MRPS31: variants seen among roughly 807,000 people sequenced by gnomAD.
The protein encoded by MRPS31 is small ribosomal subunit protein mS31.
A neutral mutation model predicts 43.1 loss-of-function variants in MRPS31; 32 were observed. That is an observed-to-expected ratio of 0.74 (90% CI 0.56 to 1.00). The LOEUF (loss-of-function observed/expected upper bound fraction) is 1.00, where lower values mean the gene tolerates loss of function less well. MRPS31 is among the 50% of genes least tolerant of loss of function. The pLI is 0.00. For synonymous variants in MRPS31, 165 were observed against 161.6 expected, an observed-to-expected ratio of 1.02 and a Z score of -0.16; for missense variants, 437 against 466.7, an observed-to-expected ratio of 0.94 and a Z score of 0.59.
At chr13:40,762,842 T>C (rs932406778) in intron 2 of MRPS31, among the ~76,000 whole-genome samples, 1 of 142,676 alleles carries the variant, frequency 7.0e-6, no homozygotes, top group African/African-American at 2.6e-5. Context: ...GTGTGTGTGT[T>C]GTACATATAT....
intron 6 of MRPS31, chr13:40,731,203 G>A (rs1444970918): frequency 4.0e-5 from 6 of 150,410 alleles, no homozygotes; most frequent in Non-Finnish European, 8.7e-5. Context: ...GTAGTGAGCT[G>A]TGATCATACC....
chr13:40,733,412 A>G (rs1879770442), intron 6 of MRPS31, among the ~76,000 whole-genome samples: 1 of 152,206 alleles, frequency 6.6e-6, no homozygotes, highest in Admixed American at 6.5e-5. Flanking sequence ...GAGAAAAAGA[A>G]AAAGATTGGG....
At chr13:40,739,056 T>A (rs374973960) in intron 6 of MRPS31, among the ~76,000 whole-genome samples, 2 of 152,128 alleles carry the variant, frequency 1.3e-5, no homozygotes, top group African/African-American at 4.8e-5. Flanking sequence ...CTCAGCCCAA[T>A]ATCTCCTTAA....
chr13:40,744,957 T>C (rs1187636806), intron 6 of MRPS31, among the ~76,000 whole-genome samples: 1 of 151,162 alleles, frequency 6.6e-6, no homozygotes, highest in Non-Finnish European at 1.5e-5. Flanking sequence ...AGTCTTGCTC[T>C]GTCACCTAGA....
At chr13:40,731,887 G>A (rs1257886133) in intron 6 of MRPS31, among the ~76,000 whole-genome samples, 1 of 152,030 alleles carries the variant, frequency 6.6e-6, no homozygotes, top group African/African-American at 2.4e-5. Context: ...AACTTAGAAT[G>A]CTCCAGGAGG....
At chr13:40,754,460 T>C (rs1298993149) in intron 4 of MRPS31, among the ~76,000 whole-genome samples, 1 of 152,226 alleles carries the variant, frequency 6.6e-6, no homozygotes, top group East Asian at 1.9e-4. Flanking sequence ...AACATTTGTC[T>C]TTAAGGGCAG....
At chr13:40,759,806 G>A (rs1241391193) in intron 2 of MRPS31, among the ~76,000 whole-genome samples, 2 of 152,012 alleles carry the variant, frequency 1.3e-5, no homozygotes, top group African/African-American at 2.4e-5. Context: ...ATAAAGGCAG[G>A]TTAACCAGTT....
At chr13:40,736,369 C>T (rs901980843) in intron 6 of MRPS31, among the ~76,000 whole-genome samples, 23 of 151,302 alleles carry the variant, frequency 1.5e-4, no homozygotes, top group Non-Finnish European at 3.2e-4. Context: ...AGGATATTAT[C>T]CAGGAGAATT....
At chr13:40,746,759 T>C (rs1418183771) in intron 6 of MRPS31, among the ~76,000 whole-genome samples, 1 of 152,176 alleles carries the variant, frequency 6.6e-6, no homozygotes, top group Non-Finnish European at 1.5e-5. Flanking sequence ...CAGTATAAAG[T>C]AAAATTTTGA....
chr13:40,767,138 T>G, intron 1 of MRPS31, 105 bp from the exon 2 acceptor site: 1 of 979,978 alleles, frequency 1.0e-6, no homozygotes, highest in Non-Finnish European at 1.4e-6. Flanking sequence ...TAAGATTTTT[T>G]TTCAATTCAA....
At chr13:40,740,937 A>G (rs546255502) in intron 6 of MRPS31, among the ~76,000 whole-genome samples, 2 of 125,736 alleles carry the variant, frequency 1.6e-5, no homozygotes, top group Non-Finnish European at 3.2e-5. Flanking sequence ...AAAGTATAAT[A>G]AAAAAAAATT....
chr13:40,765,121 A>C (rs1280691949), intron 2 of MRPS31, among the ~76,000 whole-genome samples: 1 of 152,180 alleles, frequency 6.6e-6, no homozygotes, highest in Non-Finnish European at 1.5e-5. Context: ...ACTCAAAACA[A>C]ATGTACCTCA....
At chr13:40,729,977 G>A (rs763114260) in intron 6 of MRPS31, among the ~76,000 whole-genome samples, 3 of 151,654 alleles carry the variant, frequency 2.0e-5, no homozygotes, top group African/African-American at 4.8e-5. Flanking sequence ...TTATCTGCCC[G>A]CCTCGGCCTC....
chr13:40,761,197 G>T (rs1019470853), intron 2 of MRPS31, among the ~76,000 whole-genome samples: 5 of 151,722 alleles, frequency 3.3e-5, no homozygotes, highest in Admixed American at 1.3e-4. Context: ...AGCACAGGAG[G>T]TAGAGGCTGC....
Position 40,733,009 on chromosome 13 carries a change from T to G in MRPS31, c.959-3408A>C, listed in dbSNP as rs553002588. On this transcript the variant is annotated intron_variant, in intron 6 of 6. Transcript: ENST00000323563. ...AATGCATTTGGTTTTTTTTTTTTTT[T>G]TTTTTTTTTTTTGAGAGGGAGTTTC... Among the ~76,000 whole-genome samples the G allele has an allele frequency of 1.2e-4, 18 of 145,252 alleles. No homozygotes were observed. In the South Asian group the frequency reaches 2.9e-3, roughly 24 times the overall value.
At position 40,746,503 on chromosome 13, in the gene MRPS31, C is replaced by T. The variant is rs114997392; in HGVS notation, c.958+2635G>A. On this transcript the variant is annotated intron_variant, in intron 6 of 6. Transcript: ENST00000323563. ...TGCAGTGTCATGTGGATAGCTGTCA[C>T]ATTTATCTCCCCAACCTGACCAAAA... Among the ~76,000 whole-genome samples, 788 of 152,238 alleles carry T rather than the reference C, an allele frequency of 5.2e-3. 7 individuals carry two copies. The highest frequency in any genetic ancestry group is 0.018 in the African/African-American group (753 of 41,546).
In MRPS31 at chr13:40,759,059, G is replaced by A. The variant is rs1880618155; in HGVS notation, c.488C>T (p.Ala163Val). 1.2e-6 allele frequency: 2 copies of A among 1,606,994 alleles called. No individual in the cohort carries two copies. The highest frequency in any genetic ancestry group is 8.5e-7 in the Non-Finnish European group (1 of 1,177,080). Reference sequence around the variant, plus strand: ...TTGCTTATCAAAAGGGAGAGAATCTGCCACAGCAGATGCAGCTGCCACCAA... The same window carrying A: ...TTGCTTATCAAAAGGGAGAGAATCTACCACAGCAGATGCAGCTGCCACCAA... ...PELVAAASAV[A>V]DSLPFDKQTT... Residue 163 changes from alanine to valine, a missense_variant, in exon 3 of 7, where the codon GCA becomes GTA. Physicochemically the swap from Ala to Val is moderately conservative, Grantham distance 64. Transcript: ENST00000323563.
chr13:40,744,264 T>C (rs148425892), intron 6 of MRPS31, among the ~76,000 whole-genome samples: 118 of 152,300 alleles, frequency 7.7e-4, no homozygotes, highest in African/African-American at 2.8e-3. Context: ...GCTGATTACC[T>C]GGGTGACAAA....
At chr13:40,739,276 A>G (rs1880011796) in intron 6 of MRPS31, among the ~76,000 whole-genome samples, 1 of 152,212 alleles carries the variant, frequency 6.6e-6, no homozygotes, top group Admixed American at 6.5e-5. Context: ...CCACTGCTCA[A>G]TGAAATAAAG....
Sources: allele counts gnomAD v4.1 joint callset (sites outside exome capture counted in the v4.1 genomes callset), GRCh38; gene constraint gnomAD v4.1.1; transcripts MANE v1.5; gene names NCBI Gene and HGNC (gene_info 2026-07-23, HGNC 2026-07-21).